The following EIF6 variants were observed in gnomAD, a reference collection of about 807,000 sequenced individuals.
EIF6 encodes the protein B4 integrin interactor.
EIF6 carries 10 observed loss-of-function variants against 25.5 expected under a neutral mutation model. The ratio of observed to expected loss-of-function variants is 0.39; its 90% confidence interval spans 0.24 to 0.66. The LOEUF (loss-of-function observed/expected upper bound fraction) is 0.66, where lower values mean the gene tolerates loss of function less well. EIF6 is among the 30% of genes least tolerant of loss of function. The probability of loss-of-function intolerance (pLI) is 0.45; values close to 1 mark genes in which losing one functional copy is unlikely to be tolerated. For synonymous variants in EIF6, 122 were observed against 122.6 expected (o/e 1.00, Z 0.03); for missense variants, 246 against 315.4 (o/e 0.78, Z 1.67).
chr20:35,279,362 G>C (rs1292767928), intron 6 of EIF6, among the ~76,000 whole-genome samples, 156 bp from the exon 7 acceptor site: 2 of 152,204 alleles, frequency 1.3e-5, no homozygotes, highest in East Asian at 1.9e-4. Flanking sequence ...AAACCACAAA[G>C]ATGAGGATTA....
intron 3 of EIF6, among the ~76,000 whole-genome samples, chr20:35,283,540 C>T (rs2060794839): frequency 6.6e-6 from 1 of 152,166 alleles, no homozygotes; most frequent in Admixed American, 6.5e-5. Context: ...TGGCTCTCGC[C>T]TATAATCCCA....
chr20:35,281,435 A>G (rs1036227353), intron 3 of EIF6, among the ~76,000 whole-genome samples: 1 of 151,576 alleles, frequency 6.6e-6, no homozygotes, highest in Non-Finnish European at 1.5e-5. Context: ...CACTACACAC[A>G]TAGCAGAATG....
At chr20:35,279,307 G>C (rs1400400536) in intron 6 of EIF6, 101 bp from the exon 7 acceptor site, 18 of 1,498,626 alleles carry the variant, frequency 1.2e-5, no homozygotes, top group Non-Finnish European at 1.7e-5. Context: ...GACCAGCTCT[G>C]ACAAGCTGCT....
At position 35,284,733 on chromosome 20, in the gene EIF6, C is replaced by G; in HGVS notation, c.-13G>C. 1.8e-6 allele frequency: 1 copy of G among 558,484 alleles called. No individual in the cohort carries two copies. The highest frequency in any genetic ancestry group is 3.2e-6 in the Non-Finnish European group (1 of 314,232). The allele number at this position is 558,484 out of a possible 1,614,324, so 34.6% of individuals were successfully genotyped here. ...CCCCTCACACCAGCTTACCAAGTAA[C>G]CAGTAACAAGCTCCGCACGCGGCGA... On this transcript the variant is annotated 5_prime_UTR_variant, in exon 1 of 7. Coordinates refer to ENST00000374450, the MANE Select transcript of EIF6 (RefSeq NM_002212.4).
At position 35,284,412 on chromosome 20, in the gene EIF6, C is replaced by A. The variant is rs1802241; in HGVS notation, c.76G>T (p.Val26Leu). The change falls in exon 2 of 7, where the codon GTA becomes TTA. Residue 26 changes from valine (V) to leucine (L), a missense_variant. Physicochemically the swap from Val to Leu is conservative, Grantham distance 32. Coordinates refer to ENST00000374450, the MANE Select transcript of EIF6 (RefSeq NM_002212.4). ...FAKLTNTYCL[V>L]AIGGSENFYS... is the part of the protein sequence containing the mutation. ...AAGTTCTCTGAGCCTCCGATCGCTA[C>A]CAGACAGTAGGTGTTGGTGAGCTTG... 19,648 of 1,614,010 alleles carry A rather than the reference C, an allele frequency of 0.012. 180 individuals carry two copies. The highest frequency in any genetic ancestry group is 0.015 in the Non-Finnish European group (18,124 of 1,179,978).
rs777713578 is a variant in EIF6, at chr20:35,280,700, G to A, written c.323C>T (p.Thr108Ile). The A allele has an allele frequency of 1.2e-6, 2 of 1,613,866 alleles. No homozygotes were observed. The highest frequency in any genetic ancestry group is 2.2e-5 in the South Asian group (2 of 90,954). ...EERLSALGNVTTCNDYVALVH... is the reference protein window; with the variant it reads ...EERLSALGNVITCNDYVALVH... The stretch of plus-strand genomic sequence containing the variant: ...CAAGGCCACGTAGTCATTGCAGGTG[G>A]TGACATTGCCCAAGGCTGAGAGCCG... The change falls in exon 4 of 7, where the codon ACC (threonine) becomes ATC (isoleucine). Residue 108 changes from threonine (T) to isoleucine (I), a missense_variant. Transcript: ENST00000374450.
At chr20:35,281,118 C>G (rs1214563135) in intron 3 of EIF6, among the ~76,000 whole-genome samples, 1 of 152,164 alleles carries the variant, frequency 6.6e-6, no homozygotes, top group African/African-American at 2.4e-5. Context: ...TGTTGGCTCA[C>G]GCCTGTAATC....
chr20:35,284,090 C>T lies in EIF6; in HGVS notation c.193+86G>A, dbSNP rs533563451. On this transcript the variant is annotated intron_variant, in intron 3 of 6. Coordinates refer to ENST00000374450, the MANE Select transcript of EIF6 (RefSeq NM_002212.4). Reference sequence around the variant, plus strand: ...GATAACAGATGATACCCTGGGAATCCCTAGGTCACTCCGGGTTCCCTCCGG... The same window carrying T: ...GATAACAGATGATACCCTGGGAATCTCTAGGTCACTCCGGGTTCCCTCCGG... 9.5e-6 allele frequency: 14 copies of T among 1,475,290 alleles called. No individual in the cohort carries two copies. In the South Asian group the frequency reaches 1.7e-4, roughly 18 times the overall value. The allele number at this position is 1,475,290 out of a possible 1,614,324, so 91.4% of individuals were successfully genotyped here.
rs150267438 is a variant in EIF6 at position 35,279,654 on chromosome 20, C to A, written c.640G>T (p.Glu214Ter). ...AFCGLDTTST[E>*]LSVVESVFKL... ...AAGACACTCTCCACCACTGACAGCT[C>A]TGTGCTGGTTGTGTCCAGGCCACAG... Residue 214 changes from glutamate to a stop codon, truncating the protein, a stop_gained, in exon 6 of 7, where the codon GAG becomes TAG. Coordinates refer to ENST00000374450, the MANE Select transcript of EIF6 (RefSeq NM_002212.4). LOFTEE classifies it high-confidence loss of function. 7 of 1,614,124 alleles carry A rather than the reference C, an allele frequency of 4.3e-6. No homozygotes were observed. The highest frequency in any genetic ancestry group is 1.3e-5 in the African/African-American group (1 of 74,950).
chr20:35,284,393 T>C lies in EIF6; in HGVS notation c.95A>G (p.Glu32Gly), dbSNP rs1312844721. ...TYCLVAIGGS[E>G]NFYSVFEGEL... is the part of the protein sequence containing the mutation. ...GCTCCCGCCGCACCTGTAGAAGTTC[T>C]CTGAGCCTCCGATCGCTACCAGACA... is the stretch of plus-strand genomic sequence containing the variant. The change falls in exon 2 of 7, where the codon GAG becomes GGG. Residue 32 changes from glutamate to glycine, a missense_variant. By Grantham distance (98) the Glu-to-Gly change is moderately conservative. Coordinates refer to ENST00000374450, the MANE Select transcript of EIF6 (RefSeq NM_002212.4). 6.2e-7 allele frequency: 1 copy of C among 1,613,824 alleles called. No homozygotes were observed. The highest frequency in any genetic ancestry group is 8.5e-7 in the Non-Finnish European group (1 of 1,179,968).
At chr20:35,283,243 GC>G (rs1323915726) in intron 3 of EIF6, among the ~76,000 whole-genome samples, 1 of 152,076 alleles carries the variant, frequency 6.6e-6, no homozygotes. Context: ...CCAAGATCGT[GC>G]CATTGCACTC....
chr20:35,284,162 T>TC lies in EIF6; in HGVS notation c.193+13dup. The TC allele has an allele frequency of 1.9e-6, 3 of 1,572,810 alleles. No homozygotes were observed. The highest frequency in any genetic ancestry group is 2.6e-6 in the Non-Finnish European group (3 of 1,158,768). On this transcript the variant is annotated intron_variant, in intron 3 of 6. Transcript: ENST00000374450. ...GAGACCACTCCCTCCCTCGGCGTCC[T>TC]CCACCTGCCTTACCCACACACATGC... is the stretch of plus-strand genomic sequence containing the variant.
At chr20:35,280,542 A>C in intron 4 of EIF6, 112 bp downstream of exon 4, 1 of 1,296,170 alleles carries the variant, frequency 7.7e-7, no homozygotes, top group Non-Finnish European at 1.1e-6. Context: ...TCAAGAGCCC[A>C]TATAGAAAAA....
intron 6 of EIF6, among the ~76,000 whole-genome samples, 156 bp downstream of exon 6, chr20:35,279,410 C>T (rs1308151666): frequency 6.6e-6 from 1 of 152,194 alleles, no homozygotes. Flanking sequence ...TATGCTGGCT[C>T]TTATCTGCTC....
At chr20:35,280,248 C>T (rs142790464) in intron 4 of EIF6, 130 bp from the exon 5 acceptor site, 662 of 1,017,846 alleles carry the variant, frequency 6.5e-4, no homozygotes, top group Middle Eastern at 1.3e-3. Flanking sequence ...CATATGAAAG[C>T]CTCACCCAGA....
Position 35,278,960 on chromosome 20 carries a change from G to A in EIF6, c.*237C>T. ...CACTTTAATGGGGTGGCACAGGACA[G>A]CAGAACCCTCAGCCAGCAGCCACAG... On this transcript the variant is annotated 3_prime_UTR_variant, in exon 7 of 7. Coordinates refer to ENST00000374450, the MANE Select transcript of EIF6 (RefSeq NM_002212.4). 1 of 594,042 alleles carries A rather than the reference G, an allele frequency of 1.7e-6. No individual in the cohort carries two copies. 36.8% of individuals were successfully genotyped at this position (594,042 alleles called of 1,614,324 possible). A position where few individuals can be genotyped will look rare whatever the true frequency, so the allele number is the denominator to read the frequency against.
At position 35,284,011 on chromosome 20, in the gene EIF6, G is replaced by A. The variant is rs143771142; in HGVS notation, c.193+165C>T. On this transcript the variant is annotated intron_variant, in intron 3 of 6. Coordinates refer to ENST00000374450, the MANE Select transcript of EIF6 (RefSeq NM_002212.4). ...TACTATTATCCAGCAGCCTTTGCTA[G>A]AGGGTTGCCCCGATCTCCTGACGCT... Among the ~76,000 whole-genome samples, 8 of 152,300 alleles carry A rather than the reference G, an allele frequency of 5.3e-5. No individual in the cohort carries two copies. The East Asian group carries it at 1.4e-3, about 26-fold the overall frequency.
intron 4 of EIF6, 89 bp downstream of exon 4, chr20:35,280,565 C>T: frequency 4.0e-6 from 6 of 1,483,980 alleles, no homozygotes; most frequent in East Asian, 4.8e-5. Flanking sequence ...ACAGGAGAGA[C>T]CCCTAATTGC....
intron 6 of EIF6, 45 bp from the exon 7 acceptor site, chr20:35,279,251 C>G (rs1224719480): frequency 3.0e-5 from 48 of 1,608,214 alleles, no homozygotes; most frequent in Non-Finnish European, 4.0e-5. Context: ...TTTCACAGAG[C>G]CCACCTCACT....
Sources: allele counts gnomAD v4.1 joint callset (sites outside exome capture counted in the v4.1 genomes callset), GRCh38; gene constraint gnomAD v4.1.1; transcripts MANE v1.5; gene names NCBI Gene and HGNC (gene_info 2026-07-23, HGNC 2026-07-21).